ATRNL1: variants seen among roughly 807,000 people sequenced by gnomAD.
ATRNL1 encodes the protein attractin like 1.
Under a neutral mutation model 182.7 loss-of-function variants are expected in ATRNL1, and 95 were observed. The ratio of observed to expected loss-of-function variants is 0.52; its 90% CI spans 0.44 to 0.62. The LOEUF is 0.62. ATRNL1 is among the 20% of genes least tolerant of loss of function. ATRNL1 has a pLI of 0.00. For synonymous variants in ATRNL1, 576 were observed against 568.3 expected, an observed-to-expected ratio of 1.01 and a Z score of -0.19; for missense variants, 1,471 against 1,679.5, an observed-to-expected ratio of 0.88 and a Z score of 2.17.
At chr10:115,864,912 G>A (rs896981752) in intron 28 of ATRNL1, among the ~76,000 whole-genome samples, 2 of 151,916 alleles carry the variant, frequency 1.3e-5, no homozygotes, top group African/African-American at 4.8e-5. Flanking sequence ...AACCCAGGAG[G>A]CGGAGCTTGC....
intron 28 of ATRNL1, among the ~76,000 whole-genome samples, chr10:115,887,343 T>G (rs1294957993): frequency 6.6e-6 from 1 of 152,178 alleles, no homozygotes; most frequent in Non-Finnish European, 1.5e-5. Flanking sequence ...CAACAAACAT[T>G]TATTACCCTC....
At chr10:115,629,574 T>C (rs750449115) in intron 26 of ATRNL1, among the ~76,000 whole-genome samples, 38 of 152,182 alleles carry the variant, frequency 2.5e-4, no homozygotes, top group Non-Finnish European at 4.6e-4. Flanking sequence ...CCAGTGAAAA[T>C]AAATGAGGAA....
intron 28 of ATRNL1, among the ~76,000 whole-genome samples, chr10:115,910,515 T>C (rs1454943087): frequency 8.5e-5 from 13 of 152,242 alleles, no homozygotes; most frequent in African/African-American, 3.1e-4. Flanking sequence ...AGGCAGTCCG[T>C]GCTCAGCAGC....
intron 14 of ATRNL1, among the ~76,000 whole-genome samples, chr10:115,284,480 G>A (rs1270888975): frequency 5.9e-5 from 9 of 152,156 alleles, no homozygotes; most frequent in African/African-American, 2.2e-4. Context: ...GAAAACCAGG[G>A]CATGCTACAC....
chr10:115,101,200 C>T (rs1342658216), intron 1 of ATRNL1, among the ~76,000 whole-genome samples: 8 of 151,776 alleles, frequency 5.3e-5, no homozygotes, highest in Admixed American at 3.3e-4. Context: ...AATCTAGATG[C>T]CTTTTTTTTT....
At chr10:115,107,320 C>T (rs190459633) in intron 1 of ATRNL1, among the ~76,000 whole-genome samples, 14 of 152,268 alleles carry the variant, frequency 9.2e-5, no homozygotes, top group Admixed American at 7.8e-4. Context: ...TCTACATTCC[C>T]GTTCCAAAAG....
chr10:115,447,609 G>T (rs1203050399), intron 21 of ATRNL1, among the ~76,000 whole-genome samples: 1 of 151,750 alleles, frequency 6.6e-6, no homozygotes, highest in African/African-American at 2.4e-5. Flanking sequence ...AATATATGCA[G>T]CCATAGTGCA....
intron 26 of ATRNL1, among the ~76,000 whole-genome samples, chr10:115,628,146 CAAA>C (rs34729273): frequency 9.2e-6 from 1 of 109,070 alleles, no homozygotes; most frequent in Non-Finnish European, 1.9e-5. Context: ...GACTCTGTCT[CAAA>C]AAAAAAAAAA....
chr10:115,860,676 A>G (rs1389452621), intron 28 of ATRNL1, among the ~76,000 whole-genome samples: 6 of 152,226 alleles, frequency 3.9e-5, no homozygotes, highest in Non-Finnish European at 8.8e-5. Flanking sequence ...GACCCTGTCC[A>G]GAATCATCTT....
chr10:115,474,327 T>C (rs1334272673), intron 24 of ATRNL1, among the ~76,000 whole-genome samples: 2 of 151,432 alleles, frequency 1.3e-5, no homozygotes, highest in East Asian at 3.9e-4. Context: ...TTGATATCCT[T>C]AGAAGTATTC....
rs138214603 is a variant in ATRNL1, at chr10:115,854,000, G to T, written c.4018+6009G>T. On this transcript the variant is annotated intron_variant, in intron 28 of 28. Coordinates refer to ENST00000355044, the MANE Select transcript of ATRNL1 (RefSeq NM_207303.4). ...TGCTACCCTTACTCATTCAAGAAAC[G>T]TGTAAAAGTGTCTATTATATGACAG... Among the ~76,000 whole-genome samples the T allele has an allele frequency of 1.5e-4, 23 of 152,258 alleles. No individual in the cohort carries two copies. The East Asian group carries it at 3.9e-3, about 26-fold the overall frequency.
At chr10:115,673,320 T>C (rs1945757600) in intron 26 of ATRNL1, among the ~76,000 whole-genome samples, 1 of 152,110 alleles carries the variant, frequency 6.6e-6, no homozygotes, top group Non-Finnish European at 1.5e-5. Flanking sequence ...TCATGGTATA[T>C]ATGTACCACA....
At chr10:115,534,687 G>T (rs192331110) in intron 25 of ATRNL1, among the ~76,000 whole-genome samples, 4,095 of 151,920 alleles carry the variant, frequency 0.027, 219 homozygotes, top group African/African-American at 0.095. Flanking sequence ...AGTTGATGCA[G>T]TTTCTTCCTA....
At chr10:115,124,585 C>T (rs1554872798) in intron 3 of ATRNL1, among the ~76,000 whole-genome samples, 1 of 152,172 alleles carries the variant, frequency 6.6e-6, no homozygotes, top group Non-Finnish European at 1.5e-5. Context: ...CCAGCCCCTC[C>T]CATCCCCTTC....
chr10:115,323,089 C>G (rs1854667742), intron 18 of ATRNL1, among the ~76,000 whole-genome samples: 1 of 151,618 alleles, frequency 6.6e-6, no homozygotes, highest in African/African-American at 2.4e-5. Flanking sequence ...CTCTTTCTCC[C>G]TCCTCTCTTT....
At chr10:115,616,051 T>C (rs1295991744) in intron 26 of ATRNL1, among the ~76,000 whole-genome samples, 1 of 152,112 alleles carries the variant, frequency 6.6e-6, no homozygotes, top group African/African-American at 2.4e-5. Context: ...CCTAAAGACT[T>C]GTTAGATTGT....
At chr10:115,406,018 A>G (rs1369844173) in intron 20 of ATRNL1, among the ~76,000 whole-genome samples, 2 of 151,840 alleles carry the variant, frequency 1.3e-5, no homozygotes, top group African/African-American at 4.8e-5. Flanking sequence ...CAAAGGACAT[A>G]AACTCATCAT....
intron 7 of ATRNL1, among the ~76,000 whole-genome samples, chr10:115,167,795 C>G (rs1428450940): frequency 6.6e-6 from 1 of 151,918 alleles, no homozygotes; most frequent in Admixed American, 6.6e-5. Context: ...TTTGTAACAG[C>G]CTTACTGAGA....
chr10:115,375,915 C>T (rs1373289167), intron 19 of ATRNL1, among the ~76,000 whole-genome samples: 4 of 152,122 alleles, frequency 2.6e-5, no homozygotes, highest in Admixed American at 1.3e-4. Context: ...TATAGATTTA[C>T]ATTTACTAGT....
Sources: gnomAD v4.1 joint callset for allele counts (sites outside exome capture counted in the v4.1 genomes callset) on GRCh38, gnomAD v4.1.1 for gene constraint, MANE v1.5 for transcripts, NCBI Gene and HGNC (gene_info 2026-07-23, HGNC 2026-07-21) for gene names.